CCDC180: variants seen among roughly 807,000 people sequenced by gnomAD.
The protein encoded by CCDC180 is coiled-coil domain-containing protein 180.
Under a neutral mutation model 209.2 loss-of-function variants are expected in CCDC180, and 154 were observed. The ratio of observed to expected loss-of-function variants is 0.74; its 90% CI spans 0.65 to 0.84. CCDC180 has a LOEUF of 0.84. CCDC180 is among the 40% of genes least tolerant of loss of function. The pLI is 0.00. For missense variants in CCDC180, 1,874 were observed against 1,997.3 expected (o/e 0.94, Z 1.18); for synonymous variants, 778 against 749.1 (o/e 1.04, Z -0.63).
rs1206728716 is a variant in CCDC180, at chr9:97,378,134, A to C, written c.*1240A>C. On this transcript the variant is annotated 3_prime_UTR_variant, in exon 37 of 37. Coordinates refer to ENST00000529487, the MANE Select transcript of CCDC180 (RefSeq NM_020893.6). ...CTTTAACCTGGGAGGTGGAGGTTGC[A>C]GTGAGCCAAGATCATGCCACTTCAC... 2 of 152,248 alleles carry C rather than the reference A, an allele frequency of 1.3e-5. No individual in the cohort carries two copies. The highest frequency in any genetic ancestry group is 2.9e-5 in the Non-Finnish European group (2 of 68,066). The allele number at this position is 152,248 out of a possible 1,614,324, so 9.4% of individuals were successfully genotyped here. A position where few individuals can be genotyped will look rare whatever the true frequency, so the allele number is the denominator to read the frequency against.
intron 34 of CCDC180, chr9:97,374,322 C>T (rs1827181133): frequency 3.8e-6 from 2 of 532,636 alleles, no homozygotes; most frequent in Non-Finnish European, 6.7e-6. Context: ...GCACCCACAC[C>T]ACCGCTTAGA....
intron 22 of CCDC180, among the ~76,000 whole-genome samples, chr9:97,353,952 C>T (rs1277301702): frequency 6.6e-6 from 1 of 152,032 alleles, no homozygotes; most frequent in African/African-American, 2.4e-5. Flanking sequence ...CTGGTGCTGC[C>T]CACATTCCAA....
rs762330428 is a variant in CCDC180 at position 97,314,962 on chromosome 9, G to A, written c.795+16G>A. The A allele has an allele frequency of 1.9e-6, 3 of 1,603,294 alleles. No homozygotes were observed. Among genetic ancestry groups the A allele is most frequent in the South Asian group, 2.2e-5 (2 of 90,814 alleles). ...AGAAGCCATGGTGAGTGGTTTTCCT[G>A]TGCAGGGATCAGCCCATGGGAGAAG... On this transcript the variant is annotated intron_variant, in intron 8 of 36. Transcript: ENST00000529487.
rs373318281 is a variant in CCDC180, at chr9:97,308,117, G to C, written c.54G>C (p.Gln18His). The change falls in exon 2 of 37, where the codon CAG (glutamine) becomes CAC (histidine). Residue 18 changes from glutamine (Q) to histidine (H), a missense_variant. Transcript: ENST00000529487. The stretch of plus-strand genomic sequence containing the variant: ...TTCCGAATGGGAAAGCCTACCAGCA[G>C]ATCTTCCAGGCTGAGGTAGGAGCCG... ...TQVPNGKAYQ[Q>H]IFQAEVQLVH... 6.9e-5 allele frequency: 111 copies of C among 1,606,806 alleles called. No homozygotes were observed. Among genetic ancestry groups the C allele is most frequent in the Non-Finnish European group, 8.9e-5 (105 of 1,176,616 alleles).
At chr9:97,360,506 C>G (rs1370422168) in intron 26 of CCDC180, among the ~76,000 whole-genome samples, 1 of 152,108 alleles carries the variant, frequency 6.6e-6, no homozygotes, top group African/African-American at 2.4e-5. Flanking sequence ...CACCTGATGC[C>G]CACATCCTCT....
chr9:97,323,688 T>G (rs1250683232), intron 12 of CCDC180, 93 bp from the exon 13 acceptor site: 1 of 1,413,456 alleles, frequency 7.1e-7, no homozygotes, highest in African/African-American at 1.4e-5. Flanking sequence ...AGCTCAGGTC[T>G]GACTTGTGCA....
chr9:97,367,590 C>T (rs906428980), intron 31 of CCDC180, among the ~76,000 whole-genome samples: 5 of 152,148 alleles, frequency 3.3e-5, no homozygotes, highest in African/African-American at 9.7e-5. Context: ...TCTTCTGCCC[C>T]AGCCTCCTGA....
At chr9:97,359,498 A>T (rs150315666) in intron 25 of CCDC180, among the ~76,000 whole-genome samples, 503 of 152,264 alleles carry the variant, frequency 3.3e-3, no homozygotes, top group Non-Finnish European at 6.1e-3. Context: ...GCATTCCTGC[A>T]CACCTGTGGG....
Position 97,328,250 on chromosome 9 carries a change from T to C in CCDC180, c.1788+104T>C. ...AGACTTTGAAAGCCATTCCTAATGC[T>C]GCAGAGTTCAAATCAATGCAAGAAG... On this transcript the variant is annotated intron_variant, in intron 16 of 36. Transcript: ENST00000529487. 3.1e-6 allele frequency: 4 copies of C among 1,301,892 alleles called. No homozygotes were observed. In the South Asian group the frequency reaches 4.4e-5, roughly 14 times the overall value. The allele number at this position is 1,301,892 out of a possible 1,614,324, so 80.6% of individuals were successfully genotyped here. A position where few individuals can be genotyped will look rare whatever the true frequency, so the allele number is the denominator to read the frequency against.
rs1587775231 is a variant in CCDC180, at chr9:97,309,610, T to G, written c.260+6T>G. The G allele has an allele frequency of 6.4e-7, 1 of 1,554,558 alleles. No individual in the cohort carries two copies. The highest frequency in any genetic ancestry group is 8.7e-7 in the Non-Finnish European group (1 of 1,154,298). ...GAAAACCCTGTTCTCCACAGGTAGG[T>G]CCTGTTGTCCATGCCTCACCCCCAT... On this transcript the variant is annotated splice_donor_region_variant and intron_variant, in intron 3 of 36. Transcript: ENST00000529487.
intron 16 of CCDC180, among the ~76,000 whole-genome samples, chr9:97,328,752 C>G (rs1048283978): frequency 6.6e-6 from 1 of 152,244 alleles, no homozygotes; most frequent in Admixed American, 6.5e-5. Flanking sequence ...TCTCACCTTG[C>G]TCAGCCCCTG....
At chr9:97,340,643 C>A (rs1408370722) in intron 18 of CCDC180, among the ~76,000 whole-genome samples, 4 of 152,172 alleles carry the variant, frequency 2.6e-5, no homozygotes, top group Non-Finnish European at 4.4e-5. Flanking sequence ...AGATTGCAAG[C>A]CTTCTGTTAC....
chr9:97,316,869 A>G (rs1833189954), intron 8 of CCDC180, among the ~76,000 whole-genome samples, 196 bp from the exon 9 acceptor site: 1 of 152,150 alleles, frequency 6.6e-6, no homozygotes, highest in Admixed American at 6.5e-5. Context: ...ACCCTTGTCC[A>G]TGGCTACTCA....
intron 24 of CCDC180, among the ~76,000 whole-genome samples, chr9:97,355,473 A>T (rs1371763842): frequency 6.6e-6 from 1 of 152,192 alleles, no homozygotes; most frequent in African/African-American, 2.4e-5. Context: ...AAATCTTAAT[A>T]ACTGCTAGTG....
intron 15 of CCDC180, 50 bp from the exon 16 acceptor site, chr9:97,327,968 CAG>C (rs1833589587): frequency 2.5e-6 from 4 of 1,579,954 alleles, no homozygotes; most frequent in Non-Finnish European, 3.4e-6. Context: ...TCCTTGGGGT[CAG>C]GGGTGTGGTT....
chr9:97,330,087 AAAGG>A, intron 16 of CCDC180, 63 bp from the exon 17 acceptor site: 1 of 1,198,476 alleles, frequency 8.3e-7, no homozygotes, highest in Non-Finnish European at 1.2e-6. Flanking sequence ...AAAAAAAAAA[AAAGG>A]TGGGGGGCAC....
chr9:97,322,602 G>A (rs1833394970), intron 11 of CCDC180, among the ~76,000 whole-genome samples: 1 of 152,106 alleles, frequency 6.6e-6, no homozygotes. Context: ...CAAGAATTAG[G>A]GCCAGAATGG....
Position 97,309,450 on chromosome 9 carries a change from CG to C in CCDC180, c.109del (p.Ala37LeufsTer6), listed in dbSNP as rs1564143208. On this transcript the variant is annotated frameshift_variant, in exon 3 of 37. Coordinates refer to ENST00000529487, the MANE Select transcript of CCDC180 (RefSeq NM_020893.6). LOFTEE classifies it high-confidence loss of function. ...CCACTCCCTGGCGGCCACCAGGAAGCGGGCTGCAGAGCGTTCTGTGACCCTG... is the reference window on the plus strand; with the variant it reads ...CCACTCCCTGGCGGCCACCAGGAAGCGGCTGCAGAGCGTTCTGTGACCCTG... ...LVHSLAATRK[R>X]AAERSVTLKS... 2 of 1,601,858 alleles carry C rather than the reference CG, an allele frequency of 1.2e-6. No homozygotes were observed. The highest frequency in any genetic ancestry group is 3.4e-5 in the Admixed American group (2 of 58,108).
intron 18 of CCDC180, among the ~76,000 whole-genome samples, chr9:97,337,124 C>T (rs1415082152): frequency 6.6e-6 from 1 of 152,186 alleles, no homozygotes; most frequent in Non-Finnish European, 1.5e-5. Flanking sequence ...GACAATTTGA[C>T]TTCCTGTTTT....
Sources: allele counts gnomAD v4.1 joint callset (sites outside exome capture counted in the v4.1 genomes callset), GRCh38; gene constraint gnomAD v4.1.1; transcripts MANE v1.5; gene names NCBI Gene and HGNC (gene_info 2026-07-23, HGNC 2026-07-21).